CAPN1: variants seen among roughly 807,000 people sequenced by gnomAD.
CAPN1 encodes the protein calpain-1 catalytic subunit.
Under a neutral mutation model 105.2 loss-of-function variants are expected in CAPN1, and 77 were observed. The ratio of observed to expected loss-of-function variants is 0.73; its 90% CI spans 0.61 to 0.88. CAPN1 has a LOEUF of 0.88. CAPN1 is among the 40% of genes least tolerant of loss of function. The pLI is 0.00. For missense variants in CAPN1, 833 were observed against 976.6 expected, an observed-to-expected ratio of 0.85 and a Z score of 1.96; for synonymous variants, 355 against 388.8, an observed-to-expected ratio of 0.91 and a Z score of 1.02.
At position 65,183,146 on chromosome 11, in the gene CAPN1, C is replaced by A; in HGVS notation, c.286C>A (p.Gln96Lys). ...CTCGTAGGAACTGCTGTCAAACCCC[C>A]AGTTCATTGTGGATGGAGCTACCCG... ...KRPTELLSNP[Q>K]FIVDGATRTD... Residue 96 changes from glutamine (Q) to lysine (K), a missense_variant, in exon 3 of 22, where the codon CAG (glutamine) becomes AAG (lysine). Transcript: ENST00000279247. 1 of 1,613,946 alleles carries A rather than the reference C, an allele frequency of 6.2e-7. No individual in the cohort carries two copies. Among genetic ancestry groups the A allele is most frequent in the Non-Finnish European group, 8.5e-7 (1 of 1,179,868 alleles).
intron 4 of CAPN1, 48 bp from the exon 5 acceptor site, chr11:65,185,869 G>A: frequency 6.5e-7 from 1 of 1,549,362 alleles, no homozygotes; most frequent in Non-Finnish European, 8.7e-7. Context: ...ATGGAGCTCA[G>A]GTCCGGGGGA....
rs755432386 is a variant in CAPN1, at chr11:65,209,397, C to T, written c.1794+10C>T. ...GGTGAACCTCATGGATGTATCCTTC[C>T]GTTTGCTTTTGTCTCCTGAGTGGGG... On this transcript the variant is annotated intron_variant, in intron 17 of 21. Coordinates refer to ENST00000279247, the MANE Select transcript of CAPN1 (RefSeq NM_005186.4). This position sits in a 1 kb window ranked among gnomAD's most constrained non-coding sequence, Gnocchi z 4.1. The T allele has an allele frequency of 9.3e-6, 15 of 1,611,952 alleles. No individual in the cohort carries two copies. Among genetic ancestry groups the T allele is most frequent in the African/African-American group, 8.0e-5 (6 of 74,908 alleles).
intron 11 of CAPN1, 130 bp downstream of exon 11, chr11:65,204,988 C>CT: frequency 1.4e-6 from 1 of 724,950 alleles, no homozygotes; most frequent in South Asian, 1.8e-5. Context: ...TTCCCCTCCA[C>CT]TCCCCCCACC....
At chr11:65,206,703 T>C in intron 13 of CAPN1, 29 bp downstream of exon 13, 1 of 1,610,482 alleles carries the variant, frequency 6.2e-7, no homozygotes, top group East Asian at 2.2e-5. Flanking sequence ...CCTGCCACTC[T>C]CCCCTCTCCC....
rs369423188 is a variant in CAPN1 at position 65,199,153 on chromosome 11, T to G, written c.1166-5530T>G. On this transcript the variant is annotated intron_variant, in intron 10 of 21. Coordinates refer to ENST00000279247, the MANE Select transcript of CAPN1 (RefSeq NM_005186.4). ...CCTGGCCCTTTTTGTATTTGTATTTTTATTTTTTAGCAAGGGTCTGTTGGT... is the reference window on the plus strand; with the variant it reads ...CCTGGCCCTTTTTGTATTTGTATTTGTATTTTTTAGCAAGGGTCTGTTGGT... Among the ~76,000 whole-genome samples, 9 of 152,326 alleles carry G rather than the reference T, an allele frequency of 5.9e-5. No homozygotes were observed. The South Asian group carries it at 8.3e-4, about 14-fold the overall frequency.
rs988505223 is a variant in CAPN1, at chr11:65,209,645, C to T, written c.1795-204C>T. On this transcript the variant is annotated intron_variant, in intron 17 of 21. Coordinates refer to ENST00000279247, the MANE Select transcript of CAPN1 (RefSeq NM_005186.4). This position sits in a 1 kb window ranked among gnomAD's most constrained non-coding sequence, Gnocchi z 4.1. ...CCCTGAGGCTGGTGCTATTTCTGAC[C>T]CCTCCCCAGCCCACTCCACTGCAGC... is the stretch of plus-strand genomic sequence containing the variant. The T allele has an allele frequency of 4.7e-6, 3 of 641,062 alleles. No individual in the cohort carries two copies. The highest frequency in any genetic ancestry group is 3.7e-5 in the African/African-American group (2 of 54,752). 39.7% of individuals were successfully genotyped at this position (641,062 alleles called of 1,614,324 possible).
rs758551710 is a variant in CAPN1 at position 65,183,580 on chromosome 11, C to T, written c.444C>T (p.Ile148=). The change falls in exon 4 of 22, where the codon ATC becomes ATT. Residue 148 remains isoleucine (I), a synonymous_variant. Coordinates refer to ENST00000279247, the MANE Select transcript of CAPN1 (RefSeq NM_005186.4). ...GCTTCCAGAATGGCTATGCCGGCAT[C>T]TTCCATTTCCAGGTGAGGGCTCCCC... The part of the protein sequence containing the change: ...GQSFQNGYAG[I]FHFQLWQFGE... 23 of 1,612,388 alleles carry T rather than the reference C, an allele frequency of 1.4e-5. No individual in the cohort carries two copies. Among genetic ancestry groups the T allele is most frequent in the Non-Finnish European group, 1.6e-5 (19 of 1,178,416 alleles).
chr11:65,208,048 G>A lies in CAPN1; in HGVS notation c.1606-7G>A, dbSNP rs779524356. Reference sequence around the variant, plus strand: ...CTCTTACCTGCTTTCTCCCCTTCTCGGTCCAGCAAGTGCTCTCAGAAGAGG... The same window carrying A: ...CTCTTACCTGCTTTCTCCCCTTCTCAGTCCAGCAAGTGCTCTCAGAAGAGG... On this transcript the variant is annotated splice_region_variant and splice_polypyrimidine_tract_variant and intron_variant, in intron 14 of 21. Transcript: ENST00000279247. This position sits in a 1 kb window ranked among gnomAD's most constrained non-coding sequence, Gnocchi z 4.1. 69 of 1,585,446 alleles carry A rather than the reference G, an allele frequency of 4.4e-5. No homozygotes were observed. Among genetic ancestry groups the A allele is most frequent in the Middle Eastern group, 1.8e-4 (1 of 5,534 alleles).
chr11:65,204,456 G>A (rs1004125365), intron 10 of CAPN1, among the ~76,000 whole-genome samples: 1 of 152,138 alleles, frequency 6.6e-6, no homozygotes, highest in African/African-American at 2.4e-5. Context: ...TGCTCTGCTC[G>A]CTAACCTAAC....
intron 10 of CAPN1, among the ~76,000 whole-genome samples, chr11:65,195,122 T>G (rs557563804): frequency 1.6e-4 from 24 of 147,848 alleles, no homozygotes; most frequent in African/African-American, 5.8e-4. Context: ...TTTTTTTTTT[T>G]TTTTTGAGTC....
Position 65,209,874 on chromosome 11 carries a change from T to A in CAPN1, c.1820T>A (p.Leu607Gln). 1 of 1,613,774 alleles carries A rather than the reference T, an allele frequency of 6.2e-7. No individual in the cohort carries two copies. Among genetic ancestry groups the A allele is most frequent in the Non-Finnish European group, 8.5e-7 (1 of 1,179,862 alleles). ...MDRDGNGKLG[L>Q]VEFNILWNRI... Reference sequence around the variant, plus strand: ...CGTGATGGCAATGGGAAGCTGGGCCTGGTGGAGTTCAACATCCTGTGGAAC... The same window carrying A: ...CGTGATGGCAATGGGAAGCTGGGCCAGGTGGAGTTCAACATCCTGTGGAAC... Residue 607 changes from leucine to glutamine, a missense_variant, in exon 18 of 22, where the codon CTG becomes CAG. Coordinates refer to ENST00000279247, the MANE Select transcript of CAPN1 (RefSeq NM_005186.4). This position sits in a 1 kb window ranked among gnomAD's most constrained non-coding sequence, Gnocchi z 4.1.
intron 12 of CAPN1, 63 bp downstream of exon 12, chr11:65,205,784 C>T: frequency 1.3e-6 from 2 of 1,527,228 alleles, no homozygotes; most frequent in South Asian, 1.1e-5. Flanking sequence ...AGGGGAGCAA[C>T]CCAGTGGCAA....
chr11:65,184,475 C>T (rs1015296270), intron 4 of CAPN1, among the ~76,000 whole-genome samples: 8 of 151,854 alleles, frequency 5.3e-5, no homozygotes, highest in African/African-American at 1.9e-4. Flanking sequence ...CCGCCTCCAC[C>T]CCGCCCCGCC....
intron 21 of CAPN1, 43 bp from the exon 22 acceptor site, chr11:65,211,217 A>T: frequency 6.2e-7 from 1 of 1,609,784 alleles, no homozygotes; most frequent in Non-Finnish European, 8.5e-7. Flanking sequence ...GAAGCCAGGG[A>T]GCCATTTCTG....
In CAPN1 at chr11:65,206,471, C is replaced by T. The variant is rs575838128; in HGVS notation, c.1362C>T (p.Gly454=). 6.8e-6 allele frequency: 11 copies of T among 1,612,872 alleles called. No individual in the cohort carries two copies. The African/African-American group carries it at 1.3e-4, about 20-fold the overall frequency. ...CTCCTCCCTCCCACCAGCTGGTGGGCCAGCCGGCCGTACACTTGAAGCGTG... is the reference window on the plus strand; with the variant it reads ...CTCCTCCCTCCCACCAGCTGGTGGGTCAGCCGGCCGTACACTTGAAGCGTG... ...AVYEVPPELV[G]QPAVHLKRDF... is the part of the protein sequence containing the mutation. The change falls in exon 13 of 22, where the codon GGC becomes GGT. Residue 454 remains glycine (G), a synonymous_variant. Transcript: ENST00000279247.
chr11:65,191,616 T>A (rs1371876962), intron 10 of CAPN1, among the ~76,000 whole-genome samples: 1 of 152,206 alleles, frequency 6.6e-6, no homozygotes, highest in Non-Finnish European at 1.5e-5. Flanking sequence ...TGACCTCAGG[T>A]GATCTGCCTG....
At position 65,208,442 on chromosome 11, in the gene CAPN1, T is replaced by C. The variant is rs1051625916; in HGVS notation, c.1729+180T>C. 6.1e-6 allele frequency: 4 copies of C among 657,952 alleles called. No homozygotes were observed. The highest frequency in any genetic ancestry group is 8.1e-6 in the Non-Finnish European group (3 of 369,166). 40.8% of individuals were successfully genotyped at this position (657,952 alleles called of 1,614,324 possible). On this transcript the variant is annotated intron_variant, in intron 16 of 21. Coordinates refer to ENST00000279247, the MANE Select transcript of CAPN1 (RefSeq NM_005186.4). The surrounding 1 kb of genome is among the most constrained non-coding windows in gnomAD (Gnocchi z 4.1). ...CCATACTCCTCCTCCTGACCTGCCA[T>C]CCTGATAATCCCTGTGCTCGGGTGC... is the stretch of plus-strand genomic sequence containing the variant.
chr11:65,209,255 G>T lies in CAPN1; in HGVS notation c.1730-68G>T. On this transcript the variant is annotated intron_variant, in intron 16 of 21. Transcript: ENST00000279247. The surrounding 1 kb of genome is among the most constrained non-coding windows in gnomAD (Gnocchi z 4.1). ...TGCGTCCTTGACTCTGCCCCACCCA[G>T]TGCTCCCAGCAGGGGCAGGTGCAGG... 1 of 1,315,498 alleles carries T rather than the reference G, an allele frequency of 7.6e-7. No homozygotes were observed. The allele number at this position is 1,315,498 out of a possible 1,614,324, so 81.5% of individuals were successfully genotyped here. A position where few individuals can be genotyped will look rare whatever the true frequency, so the allele number is the denominator to read the frequency against.
At chr11:65,205,782 A>C (rs1251770935) in intron 12 of CAPN1, 61 bp downstream of exon 12, 1 of 1,534,764 alleles carries the variant, frequency 6.5e-7, no homozygotes, top group Non-Finnish European at 9.0e-7. Flanking sequence ...AGAGGGGAGC[A>C]ACCCAGTGGC....
Sources: allele counts gnomAD v4.1 joint callset (sites outside exome capture counted in the v4.1 genomes callset), GRCh38; gene constraint gnomAD v4.1.1; non-coding constraint Gnocchi (gnomAD v3.1); transcripts MANE v1.5; gene names NCBI Gene and HGNC (gene_info 2026-07-23, HGNC 2026-07-21).